The following CFAP44 variants were observed in gnomAD, a reference collection of about 807,000 sequenced individuals.
CFAP44 encodes the protein cilia and flagella associated protein 44.
A neutral mutation model predicts 216.2 loss-of-function variants in CFAP44; 134 were observed. The observed-to-expected ratio is 0.62, with a 90% CI of 0.54 to 0.72. The LOEUF (loss-of-function observed/expected upper bound fraction) is 0.72. Among genes scored for constraint, CFAP44 ranks in the 30% least tolerant of loss-of-function variants. CFAP44 has a pLI of 0.00. For missense variants in CFAP44, 2,035 were observed against 2,182.1 expected (o/e 0.93, Z 1.34); for synonymous variants, 700 against 727.6 (o/e 0.96, Z 0.61).
intron 1 of CFAP44, chr3:113,434,448 G>A (rs566290708): frequency 1.3e-5 from 2 of 152,298 alleles, no homozygotes; most frequent in South Asian, 2.1e-4. Flanking sequence ...ATATCATAAA[G>A]TTGTCTCTAA....
chr3:113,406,040 A>C (rs1364844491), intron 8 of CFAP44, among the ~76,000 whole-genome samples: 1 of 152,226 alleles, frequency 6.6e-6, no homozygotes, highest in Admixed American at 6.5e-5. Context: ...ATAATGTATA[A>C]CTCATTCTAA....
In CFAP44 at chr3:113,309,509, AATATC is replaced by A. The variant is rs562926543; in HGVS notation, c.4517-1246_4517-1242del. Reference sequence around the variant, plus strand: ...TAAGTGTCAGGAATGATTTATTTATAATATCATATCATATATAATATCTTCAGAAA... The same window carrying A: ...TAAGTGTCAGGAATGATTTATTTATAATATCATATATAATATCTTCAGAAA... On this transcript the variant is annotated intron_variant, in intron 28 of 34. Coordinates refer to ENST00000393845, the MANE Select transcript of CFAP44 (RefSeq NM_001164496.2). 1.9e-3 allele frequency among the ~76,000 whole-genome samples: 290 copies of A among 152,326 alleles called. 2 individuals are homozygous for A. The highest frequency in any genetic ancestry group is 5.7e-3 in the African/African-American group (237 of 41,578).
intron 5 of CFAP44, among the ~76,000 whole-genome samples, chr3:113,417,916 G>T (rs2107388631): frequency 6.6e-6 from 1 of 152,258 alleles, no homozygotes; most frequent in South Asian, 2.1e-4. Context: ...TATGGTCAAA[G>T]AAATCTGGAT....
chr3:113,392,611 C>T (rs912511431), intron 15 of CFAP44, among the ~76,000 whole-genome samples: 1 of 152,068 alleles, frequency 6.6e-6, no homozygotes, highest in Non-Finnish European at 1.5e-5. Flanking sequence ...ACGGATATCC[C>T]ATTTACCCTC....
chr3:113,308,176 C>A lies in CFAP44; in HGVS notation c.4609G>T (p.Asp1537Tyr). The change falls in exon 29 of 35, where the codon GAT becomes TAT. Residue 1537 changes from aspartate to tyrosine, a missense_variant. Asp to Tyr is a radical substitution (Grantham distance 160, BLOSUM62 -3). Coordinates refer to ENST00000393845, the MANE Select transcript of CFAP44 (RefSeq NM_001164496.2). ...AACTTACTTGTTGGGCAAATAGAAT[C>A]ATCAAAAACCTCATCTTCTGATTCA... The part of the protein sequence containing the change: ...ESESEDEVFD[D>Y]SICPTNCDVA... The A allele has an allele frequency of 6.5e-7, 1 of 1,533,238 alleles. No homozygotes were observed. 95.0% of individuals were successfully genotyped at this position (1,533,238 alleles called of 1,614,324 possible). A position where few individuals can be genotyped will look rare whatever the true frequency, so the allele number is the denominator to read the frequency against.
intron 23 of CFAP44, among the ~76,000 whole-genome samples, chr3:113,342,837 TA>T (rs545239420): frequency 1.5e-3 from 205 of 140,962 alleles, no homozygotes; most frequent in Non-Finnish European, 1.8e-3. Context: ...TAAAAATACA[TA>T]AAAAAAAAAA....
intron 21 of CFAP44, chr3:113,362,796 G>C: frequency 2.3e-6 from 2 of 864,840 alleles, no homozygotes; most frequent in Non-Finnish European, 2.9e-6. Flanking sequence ...GGACGCTTCA[G>C]GCCAATTTTT....
At chr3:113,337,207 T>C (rs1371193688) in intron 24 of CFAP44, among the ~76,000 whole-genome samples, 2 of 151,628 alleles carry the variant, frequency 1.3e-5, no homozygotes, top group Non-Finnish European at 2.9e-5. Flanking sequence ...CAATACCATT[T>C]AAAATTGCTC....
chr3:113,408,016 A>G (rs1311835038), intron 7 of CFAP44, among the ~76,000 whole-genome samples: 3 of 152,238 alleles, frequency 2.0e-5, no homozygotes, highest in African/African-American at 7.2e-5. Flanking sequence ...GAAAATTTTC[A>G]CATATAGCTA....
intron 13 of CFAP44, among the ~76,000 whole-genome samples, chr3:113,399,425 A>G (rs1004257215): frequency 2.0e-5 from 3 of 151,792 alleles, no homozygotes; most frequent in African/African-American, 4.8e-5. Flanking sequence ...TCTTATAATT[A>G]TCTAACATAA....
chr3:113,339,521 C>T (rs1576555784), intron 24 of CFAP44, among the ~76,000 whole-genome samples: 1 of 152,304 alleles, frequency 6.6e-6, no homozygotes, highest in African/African-American at 2.4e-5. Context: ...TTTCTCCCTG[C>T]TGTCGGAAAA....
chr3:113,337,128 C>T (rs1015974627), intron 24 of CFAP44, among the ~76,000 whole-genome samples: 2 of 149,532 alleles, frequency 1.3e-5, no homozygotes, highest in Non-Finnish European at 3.0e-5. Context: ...ACTAGATAAA[C>T]AAACAAAAAT....
rs1376421002 is a variant in CFAP44, at chr3:113,379,451, C to G, written c.2153G>C (p.Gly718Ala). 1.9e-6 allele frequency: 3 copies of G among 1,611,486 alleles called. No individual in the cohort carries two copies. Among genetic ancestry groups the G allele is most frequent in the Non-Finnish European group, 2.5e-6 (3 of 1,177,868 alleles). The change falls in exon 17 of 35, where the codon GGA (glycine) becomes GCA (alanine). Residue 718 changes from glycine (G) to alanine (A), a missense_variant. By Grantham distance (60) the Gly-to-Ala change is moderately conservative. Around this residue, in one of 3 missense-constraint regions of CFAP44, gnomAD observed 1,883 missense variants for 2,023.7 expected, o/e 0.93. Transcript: ENST00000393845. Reference protein sequence around the residue: ...NKLAAEMGEDGEKEFQEEEEE... With the variant: ...NKLAAEMGEDAEKEFQEEEEE... Reference sequence around the variant, plus strand: ...TTCCTCCTCCTGAAATTCTTTTTCTCCATCTTCTCCCATCTCTGCTGCTAG... The same window carrying G: ...TTCCTCCTCCTGAAATTCTTTTTCTGCATCTTCTCCCATCTCTGCTGCTAG...
intron 23 of CFAP44, among the ~76,000 whole-genome samples, chr3:113,342,482 T>C (rs989468763): frequency 1.3e-5 from 2 of 152,152 alleles, no homozygotes; most frequent in Non-Finnish European, 2.9e-5. Flanking sequence ...GTTGGCAAGA[T>C]AAGATATATA....
intron 17 of CFAP44, among the ~76,000 whole-genome samples, chr3:113,378,834 C>T (rs1933424593): frequency 6.6e-6 from 1 of 152,118 alleles, no homozygotes; most frequent in South Asian, 2.1e-4. Flanking sequence ...CACTTATCTT[C>T]CTAGACTTGC....
intron 28 of CFAP44, among the ~76,000 whole-genome samples, chr3:113,309,217 G>C (rs1407533932): frequency 2.0e-5 from 3 of 152,196 alleles, no homozygotes; most frequent in African/African-American, 7.2e-5. Context: ...CCAATGGAGA[G>C]AACTTGATAT....
chr3:113,409,032 C>G, intron 7 of CFAP44, 74 bp downstream of exon 7: 6 of 455,498 alleles, frequency 1.3e-5, no homozygotes, highest in East Asian at 4.0e-5. Context: ...AAAAAAAAGT[C>G]TCCAGCTCTT....
chr3:113,320,473 G>GAT (rs1210397024), intron 28 of CFAP44, among the ~76,000 whole-genome samples: 1 of 84,684 alleles, frequency 1.2e-5, no homozygotes, highest in South Asian at 3.1e-4. Context: ...TATCATATAT[G>GAT]ATATATATGA....
intron 22 of CFAP44, among the ~76,000 whole-genome samples, chr3:113,349,462 C>G (rs1163418768): frequency 2.0e-5 from 3 of 152,158 alleles, no homozygotes; most frequent in Non-Finnish European, 4.4e-5. Flanking sequence ...AGTCATGGCC[C>G]TCAGACAAAC....
Sources: gnomAD v4.1 joint callset for allele counts (sites outside exome capture counted in the v4.1 genomes callset) on GRCh38, gnomAD v4.1.1 for gene constraint, gnomAD v4.1.1 regional missense constraint, MANE v1.5 for transcripts, NCBI Gene and HGNC (gene_info 2026-07-23, HGNC 2026-07-21) for gene names.